RNF128: variants seen among roughly 807,000 people sequenced by gnomAD.
RNF128 encodes the protein ring finger protein 128, also known as E3 ubiquitin-protein ligase RNF128.
In RNF128, 13 loss-of-function variants were observed where a neutral mutation model predicts 26.2. The ratio of observed to expected loss-of-function variants is 0.50; its 90% confidence interval spans 0.32 to 0.79. The LOEUF is 0.79. Ranked by LOEUF, RNF128 falls within the 30% of genes least tolerant of loss-of-function variation. RNF128 has a pLI of 0.03. For missense variants in RNF128, 315 were observed against 349.7 expected (o/e 0.90, Z 0.79); for synonymous variants, 149 against 142.5 (o/e 1.05, Z -0.32).
At chrX:106,697,290 G>A (rs1327873533) in intron 1 of RNF128, among the ~76,000 whole-genome samples, 2 of 111,779 alleles carry the variant, frequency 1.8e-5, no homozygotes, top group Non-Finnish European at 3.8e-5. Context: ...TTTTTGTGGC[G>A]AGGACACTGT....
chrX:106,699,400 G>A (rs5962722), intron 1 of RNF128, among the ~76,000 whole-genome samples: 12,565 of 111,297 alleles, frequency 0.11, 1,740 homozygotes, highest in African/African-American at 0.39. Context: ...TGCCTCCTCT[G>A]CCTGAGTCAC....
At chrX:106,697,215 T>A (rs1928888015) in intron 1 of RNF128, among the ~76,000 whole-genome samples, 1 of 112,043 alleles carries the variant, frequency 8.9e-6, no homozygotes, top group Non-Finnish European at 1.9e-5. Context: ...GTTACCCTTA[T>A]TAGCCAGAAT....
At chrX:106,789,696 G>A (rs1353726977) in intron 4 of RNF128, among the ~76,000 whole-genome samples, 1 of 107,604 alleles carries the variant, frequency 9.3e-6, no homozygotes, top group Non-Finnish European at 1.9e-5. Flanking sequence ...TCATTCCTTA[G>A]TTTTTTAAAT....
chrX:106,795,596 G>T lies in RNF128; in HGVS notation c.1170G>T (p.Leu390=). 1 of 1,197,049 alleles carries T rather than the reference G, an allele frequency of 8.4e-7. No individual in the cohort carries two copies. Among genetic ancestry groups the T allele is most frequent in the Non-Finnish European group, 1.1e-6 (1 of 888,761 alleles). ...TTTTTAAAGATGAAAGTCTACAGCTGGTAAACCATGAAGCAAATTCTGTGG... is the reference window on the plus strand; with the variant it reads ...TTTTTAAAGATGAAAGTCTACAGCTTGTAAACCATGAAGCAAATTCTGTGG... ...HVQSTNESLQ[L]VNHEANSVAV... Residue 390 remains leucine, a synonymous_variant, in exon 7 of 7, where the codon CTG becomes CTT. Transcript: ENST00000255499.
intron 1 of RNF128, among the ~76,000 whole-genome samples, chrX:106,703,138 C>A (rs1251541871): frequency 9.0e-6 from 1 of 111,655 alleles, no homozygotes; most frequent in Non-Finnish European, 1.9e-5. Flanking sequence ...ACATCTCCCC[C>A]GTGGAAAGAA....
At chrX:106,778,548 T>C (rs1410742480) in intron 2 of RNF128, among the ~76,000 whole-genome samples, 2 of 111,979 alleles carry the variant, frequency 1.8e-5, no homozygotes, top group African/African-American at 6.5e-5. Context: ...TGGACCATGT[T>C]GTACCAGCCT....
chrX:106,735,865 C>T (rs898442422), intron 1 of RNF128, among the ~76,000 whole-genome samples: 2 of 110,957 alleles, frequency 1.8e-5, no homozygotes, highest in Non-Finnish European at 3.8e-5. Context: ...GAATCTTTCT[C>T]TTCTCTTTAC....
intron 1 of RNF128, among the ~76,000 whole-genome samples, chrX:106,719,266 C>G (rs1278239596): frequency 1.8e-5 from 2 of 108,859 alleles, no homozygotes; most frequent in African/African-American, 3.3e-5. Context: ...GTTGCCCTGG[C>G]TGGAGTGCAG....
chrX:106,753,632 G>C (rs890786238), intron 1 of RNF128, among the ~76,000 whole-genome samples: 1 of 111,324 alleles, frequency 9.0e-6, no homozygotes, highest in Admixed American at 9.6e-5. Flanking sequence ...AATTTAAATA[G>C]AATAAACTTT....
At chrX:106,694,127 A>T (rs984574031) in exon 1 of RNF128, 1 of 1,208,554 alleles carries the variant, frequency 8.3e-7, no homozygotes, top group African/African-American at 1.8e-5. Flanking sequence ...GAAACCAGCA[A>T]CTACACTGCA....
intron 1 of RNF128, among the ~76,000 whole-genome samples, chrX:106,706,116 G>C (rs1320299604): frequency 9.0e-6 from 1 of 111,631 alleles, no homozygotes; most frequent in African/African-American, 3.3e-5. Flanking sequence ...GAGACCAAGG[G>C]ATGAAGAGAA....
chrX:106,715,970 C>T (rs1445165355), intron 1 of RNF128, among the ~76,000 whole-genome samples: 1 of 111,525 alleles, frequency 9.0e-6, no homozygotes, highest in Non-Finnish European at 1.9e-5. Context: ...TCAACAAAGC[C>T]CTAACCTACC....
At chrX:106,706,246 T>TG (rs1375040086) in intron 1 of RNF128, among the ~76,000 whole-genome samples, 2 of 111,704 alleles carry the variant, frequency 1.8e-5, no homozygotes. Context: ...AAGTTCTGGC[T>TG]GACAATTGGA....
upstream of RNF128, among the ~76,000 whole-genome samples, chrX:106,725,718 G>A (rs181730603): frequency 1.8e-5 from 2 of 112,682 alleles, no homozygotes; most frequent in East Asian, 5.5e-4. Flanking sequence ...TGAGGTAGGT[G>A]CAATTATTAT....
At position 106,785,094 on chromosome X, in the gene RNF128, T is replaced by C; in HGVS notation, c.762T>C (p.Ala254=). The change falls in exon 3 of 7, where the codon GCT becomes GCC. Residue 254 remains alanine (A), a synonymous_variant. Transcript: ENST00000255499. ...AATTAAAGGCAGATGCTAAAAAAGC[T>C]ATTGGAAGGCTTCAACTACGCACAC... The part of the protein sequence containing the change: ...QRQLKADAKK[A]IGRLQLRTLK... 11 of 1,190,256 alleles carry C rather than the reference T, an allele frequency of 9.2e-6. No individual in the cohort carries two copies. The highest frequency in any genetic ancestry group is 1.2e-5 in the Non-Finnish European group (11 of 887,750).
intron 1 of RNF128, among the ~76,000 whole-genome samples, chrX:106,767,240 A>G (rs1450339936): frequency 1.8e-5 from 2 of 111,550 alleles, no homozygotes; most frequent in Non-Finnish European, 3.8e-5. Context: ...GTTTTTTCCA[A>G]TTCTATGAAG....
At chrX:106,785,028 A>G in intron 2 of RNF128, 37 bp from the exon 3 acceptor site, 4 of 1,022,178 alleles carry the variant, frequency 3.9e-6, no homozygotes, top group Non-Finnish European at 5.3e-6. Context: ...CTTTTAAAAA[A>G]TAGTTTTTCT....
At chrX:106,758,466 A>G (rs1178447347) in intron 1 of RNF128, among the ~76,000 whole-genome samples, 1 of 111,822 alleles carries the variant, frequency 8.9e-6, no homozygotes, top group African/African-American at 3.2e-5. Flanking sequence ...GAAGACCCAG[A>G]ATAGCCAAAG....
chrX:106,741,645 C>T (rs1240880667), intron 1 of RNF128, among the ~76,000 whole-genome samples: 1 of 112,040 alleles, frequency 8.9e-6, no homozygotes, highest in Non-Finnish European at 1.9e-5. Flanking sequence ...AGAGGACGCA[C>T]ACCTTAGACT....
Sources: gnomAD v4.1 joint callset for allele counts (sites outside exome capture counted in the v4.1 genomes callset) on GRCh38, gnomAD v4.1.1 for gene constraint, MANE v1.5 for transcripts, NCBI Gene and HGNC (gene_info 2026-07-23, HGNC 2026-07-21) for gene names.